The following RNFT2 variants were observed in gnomAD, a reference collection of about 807,000 sequenced individuals.
The protein encoded by RNFT2 is ring finger protein, transmembrane 2, also known as E3 ubiquitin-protein ligase RNFT2.
A neutral mutation model predicts 53.0 loss-of-function variants in RNFT2; 36 were observed. The observed-to-expected ratio is 0.68, with a 90% CI of 0.52 to 0.90. The LOEUF is 0.90. Among genes scored for constraint, RNFT2 ranks in the 40% least tolerant of loss-of-function variants. The pLI, the probability that RNFT2 is intolerant of heterozygous loss-of-function variation, is 0.00. For missense variants in RNFT2, 514 were observed against 585.6 expected (o/e 0.88, Z 1.26); for synonymous variants, 260 against 253.2 (o/e 1.03, Z -0.26).
In RNFT2 at chr12:116,848,399, G is replaced by A. The variant is rs919603808; in HGVS notation, c.1201-915G>A. ...TCTCAACCTAGAAGGCGGAGGGATC[G>A]CTTTAAACTGCAAATCATATCAGGT... On this transcript the variant is annotated intron_variant, in intron 10 of 10. Transcript: ENST00000257575. 1.4e-4 allele frequency among the ~76,000 whole-genome samples: 22 copies of A among 152,188 alleles called. 1 individual carries two copies. Among genetic ancestry groups the A allele is most frequent in the South Asian group, 8.3e-4 (4 of 4,812 alleles).
intron 6 of RNFT2, among the ~76,000 whole-genome samples, chr12:116,778,159 C>T (rs1873520176): frequency 6.6e-6 from 1 of 152,070 alleles, no homozygotes; most frequent in Non-Finnish European, 1.5e-5. Flanking sequence ...CCTTTTGCCT[C>T]CTCTCGTAAA....
In RNFT2 at chr12:116,828,420, G is replaced by C. The variant is rs140879826; in HGVS notation, c.883-5372G>C. On this transcript the variant is annotated intron_variant, in intron 7 of 10. Transcript: ENST00000257575. ...GGAAAGATAACTTCTCTTAGACTTT[G>C]TTGATCAGTTTCCCCTCCACATCCC... Among the ~76,000 whole-genome samples, 379 of 152,304 alleles carry C rather than the reference G, an allele frequency of 2.5e-3. 3 individuals carry two copies. The highest frequency in any genetic ancestry group is 8.5e-3 in the African/African-American group (353 of 41,566).
chr12:116,845,720 C>T (rs1310152621), intron 10 of RNFT2, among the ~76,000 whole-genome samples: 1 of 152,028 alleles, frequency 6.6e-6, no homozygotes, highest in African/African-American at 2.4e-5. Flanking sequence ...CTTGCTGACC[C>T]CTGGGTCCTG....
rs529993616 is a variant in RNFT2, at chr12:116,763,652, G to A, written c.628-3162G>A. On this transcript the variant is annotated intron_variant, in intron 5 of 10. Coordinates refer to ENST00000257575, the MANE Select transcript of RNFT2 (RefSeq NM_001382266.1). The stretch of plus-strand genomic sequence containing the variant: ...AAATTAGCTGGATGTGGTGGCAGAC[G>A]CCTGTAGTCCCAGCTACTCGGGAGG... 1.6e-4 allele frequency among the ~76,000 whole-genome samples: 24 copies of A among 151,532 alleles called. No homozygotes were observed. In the East Asian group the frequency reaches 4.3e-3, roughly 27 times the overall value.
At chr12:116,766,989 T>G in intron 6 of RNFT2, 75 bp downstream of exon 6, 1 of 987,132 alleles carries the variant, frequency 1.0e-6, no homozygotes, top group South Asian at 1.4e-5. Context: ...ACCCTTTCAC[T>G]TGAGAATGAG....
chr12:116,830,998 C>G (rs894790341), intron 7 of RNFT2, among the ~76,000 whole-genome samples: 1 of 151,928 alleles, frequency 6.6e-6, no homozygotes, highest in Non-Finnish European at 1.5e-5. Context: ...TTAATTCTCT[C>G]CAACCTCACA....
chr12:116,825,134 G>A (rs1876258936), intron 7 of RNFT2, among the ~76,000 whole-genome samples: 1 of 150,716 alleles, frequency 6.6e-6, no homozygotes, highest in Non-Finnish European at 1.5e-5. Flanking sequence ...TCCTGTATCT[G>A]GGGCCTCAGT....
intron 7 of RNFT2, among the ~76,000 whole-genome samples, chr12:116,801,835 T>TG (rs1322280491): frequency 0.018 from 2,793 of 151,586 alleles, 82 homozygotes; most frequent in African/African-American, 0.064. Flanking sequence ...TTTGTTTGTT[T>TG]TTTTGAGACA....
At chr12:116,758,797 T>C (rs1296646305) in intron 5 of RNFT2, among the ~76,000 whole-genome samples, 1 of 152,232 alleles carries the variant, frequency 6.6e-6, no homozygotes, top group African/African-American at 2.4e-5. Context: ...TAAGATTGTT[T>C]CCTTCGTTTT....
At chr12:116,805,226 T>G (rs1355976654) in intron 7 of RNFT2, among the ~76,000 whole-genome samples, 3 of 152,028 alleles carry the variant, frequency 2.0e-5, no homozygotes, top group African/African-American at 7.2e-5. Context: ...TCTTGATGTT[T>G]GATTTTTCTT....
intron 6 of RNFT2, among the ~76,000 whole-genome samples, chr12:116,770,033 C>CAAAAT (rs952611058): frequency 6.6e-6 from 1 of 152,034 alleles, no homozygotes; most frequent in South Asian, 2.1e-4. Context: ...GACTCTATCT[C>CAAAAT]AAAATAAAAT....
rs376978684 is a variant in RNFT2 at position 116,852,753 on chromosome 12, G to T, written c.*3305G>T. On this transcript the variant is annotated 3_prime_UTR_variant, in exon 11 of 11. Coordinates refer to ENST00000257575, the MANE Select transcript of RNFT2 (RefSeq NM_001382266.1). ...TGCTGGGAGTCAGACCTGGAATTCTGATTCCAAACTCTTTATTACTTTGGG... is the reference window on the plus strand; with the variant it reads ...TGCTGGGAGTCAGACCTGGAATTCTTATTCCAAACTCTTTATTACTTTGGG... The T allele has an allele frequency of 6.3e-7, 1 of 1,587,326 alleles. No individual in the cohort carries two copies. The highest frequency in any genetic ancestry group is 1.1e-5 in the South Asian group (1 of 90,484).
chr12:116,771,012 G>A (rs570053722), intron 6 of RNFT2, among the ~76,000 whole-genome samples: 10 of 151,996 alleles, frequency 6.6e-5, no homozygotes, highest in Admixed American at 2.0e-4. Flanking sequence ...ATCCATTTAC[G>A]TATCATTTAT....
chr12:116,762,809 A>G (rs1872739839), intron 5 of RNFT2, among the ~76,000 whole-genome samples: 1 of 152,108 alleles, frequency 6.6e-6, no homozygotes, highest in Non-Finnish European at 1.5e-5. Flanking sequence ...ATGGGGTTTC[A>G]CCACGTTGGC....
At chr12:116,750,834 A>G (rs1872175158) in intron 4 of RNFT2, among the ~76,000 whole-genome samples, 1 of 16,578 alleles carries the variant, frequency 6.0e-5, no homozygotes, top group Admixed American at 1.3e-3. Context: ...TATATAATAT[A>G]TATATTATAT....
chr12:116,757,856 G>A (rs1293760204), intron 5 of RNFT2, among the ~76,000 whole-genome samples: 2 of 152,148 alleles, frequency 1.3e-5, no homozygotes, highest in Non-Finnish European at 2.9e-5. Flanking sequence ...CCAAGGTATA[G>A]TTTAAATCCA....
At chr12:116,801,701 A>G (rs769646289) in intron 7 of RNFT2, among the ~76,000 whole-genome samples, 1 of 152,240 alleles carries the variant, frequency 6.6e-6, no homozygotes, top group African/African-American at 2.4e-5. Context: ...AATCTAACCA[A>G]AGTCAGGATC....
At chr12:116,783,494 A>G (rs920337860) in intron 7 of RNFT2, among the ~76,000 whole-genome samples, 29 of 152,216 alleles carry the variant, frequency 1.9e-4, no homozygotes, top group Admixed American at 5.2e-4. Flanking sequence ...AATAGGCTGC[A>G]GCCATCAGCT....
intron 7 of RNFT2, among the ~76,000 whole-genome samples, chr12:116,806,062 C>T (rs1053897140): frequency 6.6e-6 from 1 of 152,124 alleles, no homozygotes; most frequent in Non-Finnish European, 1.5e-5. Context: ...TTGAAGCTGG[C>T]GCTGATGTTT....
Sources: gnomAD v4.1 joint callset for allele counts (sites outside exome capture counted in the v4.1 genomes callset) on GRCh38, gnomAD v4.1.1 for gene constraint, MANE v1.5 for transcripts, NCBI Gene and HGNC (gene_info 2026-07-23, HGNC 2026-07-21) for gene names.